The following RERE variants were observed in gnomAD, a reference collection of about 807,000 sequenced individuals.
RERE encodes arginine-glutamic acid dipeptide repeats, also known as arginine-glutamic acid dipeptide repeats protein.
Under a neutral mutation model 146.1 loss-of-function variants are expected in RERE, and 40 were observed. The ratio of observed to expected loss-of-function variants is 0.27; its 90% CI spans 0.21 to 0.36. RERE has a LOEUF of 0.36. Ranked by LOEUF, RERE falls within the 10% of genes least tolerant of loss-of-function variation. The pLI, the probability that RERE is intolerant of heterozygous loss-of-function variation, is 1.00. For synonymous variants in RERE, 1,003 were observed against 866.0 expected, an observed-to-expected ratio of 1.16 and a Z score of -2.78; for missense variants, 1,933 against 2,138.7, an observed-to-expected ratio of 0.90 and a Z score of 1.90.
intron 1 of RERE, among the ~76,000 whole-genome samples, chr1:8,700,841 C>CA (rs934852669): frequency 6.6e-6 from 1 of 152,110 alleles, no homozygotes; most frequent in African/African-American, 2.4e-5. Flanking sequence ...CAATAGCAAG[C>CA]AAAACCCTTT....
At chr1:8,394,130 G>C (rs956819843) in intron 12 of RERE, among the ~76,000 whole-genome samples, 4 of 152,174 alleles carry the variant, frequency 2.6e-5, no homozygotes, top group African/African-American at 9.7e-5. Flanking sequence ...GCCATTTCTT[G>C]ACATTCTATA....
chr1:8,799,110 C>G (rs1211715872), intron 1 of RERE, among the ~76,000 whole-genome samples: 1 of 152,144 alleles, frequency 6.6e-6, no homozygotes, highest in Admixed American at 6.6e-5. Context: ...TCTCCTGCCT[C>G]AGCCTCCTGA....
At chr1:8,630,415 GAAGA>G (rs757770069) in intron 2 of RERE, among the ~76,000 whole-genome samples, 36 of 151,878 alleles carry the variant, frequency 2.4e-4, no homozygotes, top group Non-Finnish European at 4.1e-4. Flanking sequence ...AAAAAAAAAA[GAAGA>G]GAGAGATCCT....
chr1:8,707,779 G>A (rs115879128), intron 1 of RERE, among the ~76,000 whole-genome samples: 6,357 of 152,168 alleles, frequency 0.042, 436 homozygotes, highest in African/African-American at 0.15. Flanking sequence ...GTCCGCATAG[G>A]ATGCTAGGGT....
chr1:8,508,330 A>G (rs1246069708), intron 8 of RERE, among the ~76,000 whole-genome samples: 2 of 152,184 alleles, frequency 1.3e-5, no homozygotes, highest in South Asian at 2.1e-4. Flanking sequence ...AGAGAAATGG[A>G]GTTACTGTTT....
At chr1:8,541,372 CA>C (rs1429698668) in intron 6 of RERE, 54 bp from the exon 7 acceptor site, 2 of 1,124,256 alleles carry the variant, frequency 1.8e-6, no homozygotes, top group African/African-American at 3.1e-5. Flanking sequence ...TTTTGCTAAC[CA>C]AAACTGGAGG....
At chr1:8,439,932 G>C (rs141002480) in intron 11 of RERE, among the ~76,000 whole-genome samples, 268 of 152,262 alleles carry the variant, frequency 1.8e-3, no homozygotes, top group African/African-American at 6.3e-3. Context: ...AAATTAGCTG[G>C]GCATGGTGGC....
rs1351134248 is a variant in RERE, at chr1:8,360,932, C to G, written c.2575G>C (p.Ala859Pro). The stretch of plus-strand genomic sequence containing the variant: ...CCTGGGTGCTGCAGCAGGGGCCCAG[C>G]CTGCAGGCTGTGAGGGCCGGGTGGG... ...QGPPGPHSLQ[A>P]GPLLQHPGPP... The change falls in exon 18 of 23, where the codon GCT becomes CCT. Residue 859 changes from alanine (A) to proline (P), a missense_variant. Physicochemically the swap from Ala to Pro is conservative, Grantham distance 27 (BLOSUM62 -1). Coordinates refer to ENST00000400908, the MANE Select transcript of RERE (RefSeq NM_001042681.2). The G allele has an allele frequency of 1.6e-5, 23 of 1,469,388 alleles. No individual in the cohort carries two copies. The highest frequency in any genetic ancestry group is 2.1e-5 in the Non-Finnish European group (23 of 1,117,708). 91.0% of individuals were successfully genotyped at this position (1,469,388 alleles called of 1,614,324 possible). A position where few individuals can be genotyped will look rare whatever the true frequency, so the allele number is the denominator to read the frequency against.
At chr1:8,678,805 G>A (rs1362329924) in intron 1 of RERE, among the ~76,000 whole-genome samples, 1 of 152,096 alleles carries the variant, frequency 6.6e-6, no homozygotes, top group Non-Finnish European at 1.5e-5. Context: ...AAAAAATGTA[G>A]AAATAATCAT....
intron 7 of RERE, among the ~76,000 whole-genome samples, chr1:8,530,581 C>T (rs1297654986): frequency 6.6e-6 from 1 of 151,776 alleles, no homozygotes; most frequent in East Asian, 1.9e-4. Flanking sequence ...TTAGTACTAA[C>T]TTCACATCAA....
At chr1:8,416,388 A>T (rs536101717) in intron 12 of RERE, among the ~76,000 whole-genome samples, 2 of 152,114 alleles carry the variant, frequency 1.3e-5, no homozygotes, top group Non-Finnish European at 2.9e-5. Context: ...GATCGAGACC[A>T]TCCTGGTTAA....
At chr1:8,592,337 T>C (rs935959952) in intron 4 of RERE, among the ~76,000 whole-genome samples, 1 of 152,086 alleles carries the variant, frequency 6.6e-6, no homozygotes, top group Non-Finnish European at 1.5e-5. Flanking sequence ...TGCTGTAATC[T>C]TGGCTCACTG....
chr1:8,567,960 C>A (rs1004434652), intron 4 of RERE, among the ~76,000 whole-genome samples: 13 of 152,180 alleles, frequency 8.5e-5, no homozygotes, highest in Non-Finnish European at 1.6e-4. Flanking sequence ...GGGTTAATAT[C>A]AGGTGTCTGA....
intron 12 of RERE, among the ~76,000 whole-genome samples, chr1:8,416,386 C>T (rs1460584994): frequency 2.0e-5 from 3 of 152,142 alleles, no homozygotes; most frequent in South Asian, 2.1e-4. Flanking sequence ...GAGATCGAGA[C>T]CATCCTGGTT....
chr1:8,769,156 A>C (rs1293100821), intron 1 of RERE, among the ~76,000 whole-genome samples: 1 of 152,180 alleles, frequency 6.6e-6, no homozygotes, highest in Non-Finnish European at 1.5e-5. Context: ...ATTTGAGTAA[A>C]TGTTTTTTAC....
intron 1 of RERE, among the ~76,000 whole-genome samples, chr1:8,816,886 G>GT (rs752957085): frequency 6.6e-6 from 1 of 152,110 alleles, no homozygotes; most frequent in Non-Finnish European, 1.5e-5. Flanking sequence ...ACATGAAATA[G>GT]TTTAACCTCA....
rs1006559477 is a variant in RERE at position 8,677,383 on chromosome 1, G to A, written c.-144-20942C>T. Among the ~76,000 whole-genome samples, 9 of 137,094 alleles carry A rather than the reference G, an allele frequency of 6.6e-5. 1 individual carries two copies. In the South Asian group the frequency reaches 6.7e-4, roughly 10 times the overall value. The allele number at this position is 137,094 out of a possible 152,430, so 89.9% of individuals were successfully genotyped here. A position where few individuals can be genotyped will look rare whatever the true frequency, so the allele number is the denominator to read the frequency against. On this transcript the variant is annotated intron_variant, in intron 1 of 22. Transcript: ENST00000400908. ...AGAGGTTGCAGTGAGCCGAGATCAC[G>A]CCACTGCACTCCAGCCTGGGCGACA...
chr1:8,731,780 T>TG (rs1557509293), intron 1 of RERE, among the ~76,000 whole-genome samples: 1 of 142,734 alleles, frequency 7.0e-6, no homozygotes, highest in African/African-American at 2.6e-5. Context: ...CATAATGTTT[T>TG]TTTGTTTGTT....
intron 4 of RERE, among the ~76,000 whole-genome samples, chr1:8,600,147 A>G (rs370754554): frequency 5.1e-4 from 78 of 152,304 alleles, no homozygotes; most frequent in South Asian, 2.3e-3. Flanking sequence ...GTCTGCCACC[A>G]TTTAAGATGT....
Sources: gnomAD v4.1 joint callset for allele counts (sites outside exome capture counted in the v4.1 genomes callset) on GRCh38, gnomAD v4.1.1 for gene constraint, MANE v1.5 for transcripts, NCBI Gene and HGNC (gene_info 2026-07-23, HGNC 2026-07-21) for gene names.